The following MAP2 variants were observed in gnomAD, a reference collection of about 807,000 sequenced individuals.
The protein encoded by MAP2 is microtubule associated protein 2.
A neutral mutation model predicts 137.6 loss-of-function variants in MAP2; 14 were observed. The ratio of observed to expected loss-of-function variants is 0.10; its 90% CI spans 0.07 to 0.16. The LOEUF (loss-of-function observed/expected upper bound fraction) is 0.16, where lower values mean the gene tolerates loss of function less well. Ranked by LOEUF, MAP2 falls within the 10% of genes least tolerant of loss-of-function variation. The probability of loss-of-function intolerance (pLI) is 1.00; values close to 1 mark genes in which losing one functional copy is unlikely to be tolerated. For missense variants in MAP2, 2,088 were observed against 2,191.5 expected, an observed-to-expected ratio of 0.95 and a Z score of 0.94; for synonymous variants, 786 against 782.3, an observed-to-expected ratio of 1.00 and a Z score of -0.08.
intron 2 of MAP2, among the ~76,000 whole-genome samples, chr2:209,538,340 GAGTT>G (rs1257914631): frequency 6.6e-6 from 1 of 152,126 alleles, no homozygotes; most frequent in African/African-American, 2.4e-5. Flanking sequence ...AAGGTTAAAA[GAGTT>G]AGTGAATTTT....
intron 13 of MAP2, among the ~76,000 whole-genome samples, chr2:209,723,983 G>A (rs2072692911): frequency 6.6e-6 from 1 of 152,156 alleles, no homozygotes; most frequent in African/African-American, 2.4e-5. Flanking sequence ...CTTTGTTGCT[G>A]GCCTTCTTGT....
intron 4 of MAP2, among the ~76,000 whole-genome samples, chr2:209,631,005 C>CATAAAAAAA (rs2092956830): frequency 2.4e-5 from 1 of 42,118 alleles, no homozygotes; most frequent in Admixed American, 5.4e-4. Flanking sequence ...GAGCTACAAG[C>CATAAAAAAA]AAAAAAAAAA....
intron 1 of MAP2, among the ~76,000 whole-genome samples, chr2:209,506,058 A>T (rs919155107): frequency 6.6e-6 from 1 of 152,120 alleles, no homozygotes; most frequent in African/African-American, 2.4e-5. Context: ...TGACAGTTAG[A>T]GAGTTGTTGG....
chr2:209,496,242 A>G (rs2059740670), intron 1 of MAP2, among the ~76,000 whole-genome samples: 1 of 152,196 alleles, frequency 6.6e-6, no homozygotes, highest in Non-Finnish European at 1.5e-5. Context: ...CTTGGAATAC[A>G]AACATAGATT....
chr2:209,604,648 C>A (rs1378796307), intron 3 of MAP2, among the ~76,000 whole-genome samples: 2 of 152,124 alleles, frequency 1.3e-5, no homozygotes, highest in African/African-American at 4.8e-5. Flanking sequence ...TTATGGAGGT[C>A]TTTTCAAATT....
At chr2:209,456,631 T>C (rs1458423368) in intron 1 of MAP2, among the ~76,000 whole-genome samples, 1 of 152,214 alleles carries the variant, frequency 6.6e-6, no homozygotes, top group African/African-American at 2.4e-5. Context: ...CTACTTTCTC[T>C]GTTCCATTTA....
chr2:209,504,415 T>C (rs2060784134), intron 1 of MAP2, among the ~76,000 whole-genome samples: 1 of 152,194 alleles, frequency 6.6e-6, no homozygotes, highest in Admixed American at 6.5e-5. Context: ...TAGCAAGAAG[T>C]AGCTATAGTC....
chr2:209,446,399 T>G (rs1344836382), intron 1 of MAP2, among the ~76,000 whole-genome samples: 1 of 151,784 alleles, frequency 6.6e-6, no homozygotes, highest in African/African-American at 2.4e-5. Flanking sequence ...AAGGGTAGCT[T>G]GTATTTTTCA....
chr2:209,541,513 T>C lies in MAP2; in HGVS notation c.-172+33872T>C, dbSNP rs989980325. Among the ~76,000 whole-genome samples the C allele has an allele frequency of 4.6e-5, 7 of 151,344 alleles. 1 individual carries two copies. The highest frequency in any genetic ancestry group is 1.7e-4 in the African/African-American group (7 of 40,600). ...GGTTGTGTCTTCCCTTCATGAAAGA[T>C]ATCTCTGTAACATGCAATGTTGTTT... On this transcript the variant is annotated intron_variant, in intron 2 of 15. Coordinates refer to ENST00000682079, the MANE Select transcript of MAP2 (RefSeq NM_001375505.1).
Position 209,694,701 on chromosome 2 carries a change from G to A in MAP2, c.2531G>A (p.Arg844His), listed in dbSNP as rs372993675. 137 of 1,614,104 alleles carry A rather than the reference G, an allele frequency of 8.5e-5. 1 individual carries two copies. The highest frequency in any genetic ancestry group is 3.7e-4 in the African/African-American group (28 of 75,030). ...TCAGAGACTGTGGTTGAGGATAGTC[G>A]TACTGGCTTGCCCCCGGTAACTGAT... is the stretch of plus-strand genomic sequence containing the variant. Reference protein sequence around the residue: ...VPSETVVEDSRTGLPPVTDEN... With the variant: ...VPSETVVEDSHTGLPPVTDEN... Residue 844 changes from arginine to histidine, a missense_variant, in exon 8 of 16, where the codon CGT becomes CAT. Around this residue, in one of 6 missense-constraint regions of MAP2, gnomAD observed 500 missense variants for 482.9 expected, o/e 1.04. Coordinates refer to ENST00000682079, the MANE Select transcript of MAP2 (RefSeq NM_001375505.1).
Position 209,678,570 on chromosome 2 carries a change from AGAG to A in MAP2, c.266_268del (p.Glu89del). The stretch of plus-strand genomic sequence containing the variant: ...ATTTTATTTTGTTACTGTTTATTAC[AGAG>A]GAGGTGTCTGCAAGGATAGTTCAAG... On this transcript the variant is annotated splice_acceptor_variant and coding_sequence_variant, in exon 6 of 16. Coordinates refer to ENST00000682079, the MANE Select transcript of MAP2 (RefSeq NM_001375505.1). LOFTEE classifies it high-confidence loss of function. 1.3e-6 allele frequency: 2 copies of A among 1,491,796 alleles called. No homozygotes were observed. The highest frequency in any genetic ancestry group is 1.8e-6 in the Non-Finnish European group (2 of 1,093,146). The allele number at this position is 1,491,796 out of a possible 1,614,324, so 92.4% of individuals were successfully genotyped here. A position where few individuals can be genotyped will look rare whatever the true frequency, so the allele number is the denominator to read the frequency against.
intron 5 of MAP2, among the ~76,000 whole-genome samples, chr2:209,666,725 A>G (rs914325080): frequency 2.0e-5 from 3 of 152,014 alleles, no homozygotes; most frequent in African/African-American, 7.2e-5. Flanking sequence ...GAATTACTAG[A>G]TACGTTTGAA....
intron 13 of MAP2, among the ~76,000 whole-genome samples, chr2:209,724,012 CGTT>C (rs2072717905): frequency 1.3e-5 from 2 of 152,250 alleles, no homozygotes; most frequent in East Asian, 1.9e-4. Context: ...TATTTTCTCA[CGTT>C]GTTTCTACTC....
intron 3 of MAP2, among the ~76,000 whole-genome samples, chr2:209,622,386 A>G (rs1323711941): frequency 6.6e-6 from 1 of 152,190 alleles, no homozygotes; most frequent in African/African-American, 2.4e-5. Flanking sequence ...GTATGTAGCT[A>G]AAAGATTTGG....
chr2:209,535,541 G>A (rs767666176), intron 2 of MAP2, among the ~76,000 whole-genome samples: 1 of 149,258 alleles, frequency 6.7e-6, no homozygotes, highest in Non-Finnish European at 1.5e-5. Flanking sequence ...GCCTTCCCTT[G>A]CAGTCTGGCA....
intron 5 of MAP2, among the ~76,000 whole-genome samples, chr2:209,661,249 C>T (rs752157025): frequency 3.5e-4 from 53 of 152,150 alleles, no homozygotes; most frequent in Non-Finnish European, 7.1e-4. Flanking sequence ...GAGTCAGCAT[C>T]CCATTTAAAA....
chr2:209,454,081 G>A (rs1312245087), intron 1 of MAP2, among the ~76,000 whole-genome samples: 2 of 149,626 alleles, frequency 1.3e-5, no homozygotes, highest in Non-Finnish European at 1.5e-5. Flanking sequence ...AACCTGGGAG[G>A]CGGAGCTTGC....
chr2:209,618,938 T>C (rs551584084), intron 3 of MAP2, among the ~76,000 whole-genome samples: 1 of 152,138 alleles, frequency 6.6e-6, no homozygotes, highest in Non-Finnish European at 1.5e-5. Context: ...TAATGAAATA[T>C]CATTCAGCCA....
At chr2:209,609,137 G>A (rs1005730926) in intron 3 of MAP2, among the ~76,000 whole-genome samples, 3 of 151,450 alleles carry the variant, frequency 2.0e-5, no homozygotes, top group African/African-American at 7.3e-5. Flanking sequence ...AGTAGATGAG[G>A]TATAATTTAA....
Sources: gnomAD v4.1 joint callset for allele counts (sites outside exome capture counted in the v4.1 genomes callset) on GRCh38, gnomAD v4.1.1 for gene constraint, gnomAD v4.1.1 regional missense constraint, MANE v1.5 for transcripts, NCBI Gene and HGNC (gene_info 2026-07-23, HGNC 2026-07-21) for gene names.